Variants in MCTP1 observed in about 807,000 individuals in gnomAD.
MCTP1 encodes the protein multiple C2 and transmembrane domain containing 1, also known as multiple C2 and transmembrane domain-containing protein 1.
Under a neutral mutation model 120.6 loss-of-function variants are expected in MCTP1, and 69 were observed. That is an observed-to-expected ratio of 0.57 (90% confidence interval 0.47 to 0.70). The LOEUF is 0.70. Among genes scored for constraint, MCTP1 ranks in the 30% least tolerant of loss-of-function variants. The pLI is 0.00. For missense variants in MCTP1, 1,203 were observed against 1,248.8 expected (o/e 0.96, Z 0.55); for synonymous variants, 529 against 493.1 (o/e 1.07, Z -0.96).
At chr5:95,057,779 G>A (rs1364344169) in intron 1 of MCTP1, among the ~76,000 whole-genome samples, 2 of 152,092 alleles carry the variant, frequency 1.3e-5, no homozygotes, top group African/African-American at 4.8e-5. Context: ...TCTGAGCTCT[G>A]TTTCATGTAT....
intron 1 of MCTP1, among the ~76,000 whole-genome samples, chr5:95,026,727 C>T (rs1839337634): frequency 6.6e-6 from 1 of 152,104 alleles, no homozygotes; most frequent in African/African-American, 2.4e-5. Flanking sequence ...CTTAGTATTA[C>T]CATGCCAAGT....
chr5:94,922,147 C>T (rs953970127), intron 7 of MCTP1, among the ~76,000 whole-genome samples: 1 of 152,168 alleles, frequency 6.6e-6, no homozygotes, highest in Non-Finnish European at 1.5e-5. Context: ...AAGACATTAC[C>T]ATCACACCGT....
Position 94,870,876 on chromosome 5 carries a change from T to G in MCTP1, c.2237A>C (p.Asn746Thr), listed in dbSNP as rs940049085. The G allele has an allele frequency of 1.2e-6, 2 of 1,609,694 alleles. No homozygotes were observed. The highest frequency in any genetic ancestry group is 2.7e-5 in the African/African-American group (2 of 74,744). ...VIYLEIDVIF[N>T]AVKASLRTLI... ...AAAGCCAAAGTTAAGACTTACAGCA[T>G]TAAAAATCACATCTATTTCAAGATA... The change falls in exon 15 of 23, where the codon AAT (asparagine) becomes ACT (threonine). Residue 746 changes from asparagine to threonine, a missense_variant. By Grantham distance (65) the Asn-to-Thr change is moderately conservative (BLOSUM62 0). Transcript: ENST00000515393.
intron 19 of MCTP1, among the ~76,000 whole-genome samples, chr5:94,722,548 A>G (rs978144150): frequency 2.0e-5 from 3 of 152,222 alleles, no homozygotes. Flanking sequence ...AGAGCTGTTA[A>G]ATCTTATGCT....
chr5:94,760,886 T>G (rs1040222974), intron 19 of MCTP1, among the ~76,000 whole-genome samples: 1 of 152,034 alleles, frequency 6.6e-6, no homozygotes, highest in Admixed American at 6.5e-5. Context: ...GGTCCCACTA[T>G]GTCACCCAAG....
intron 1 of MCTP1, among the ~76,000 whole-genome samples, chr5:95,127,072 A>G (rs909448491): frequency 6.6e-6 from 1 of 152,182 alleles, no homozygotes; most frequent in Admixed American, 6.5e-5. Flanking sequence ...AAGAAAGAAC[A>G]TCATCCTTTT....
At position 94,740,332 on chromosome 5, in the gene MCTP1, G is replaced by A. The variant is rs1395829149; in HGVS notation, c.2611-25446C>T. Among the ~76,000 whole-genome samples the A allele has an allele frequency of 2.0e-5, 3 of 152,154 alleles. No homozygotes were observed. In the East Asian group the frequency reaches 5.8e-4, roughly 29 times the overall value. ...ATATAAATAACCAAACTCTCTCAATGCAAGCCTGACACTGATAATGAGTAT... is the reference window on the plus strand; with the variant it reads ...ATATAAATAACCAAACTCTCTCAATACAAGCCTGACACTGATAATGAGTAT... On this transcript the variant is annotated intron_variant, in intron 19 of 22. Transcript: ENST00000515393.
At chr5:94,950,541 C>CTA (rs926124145) in intron 3 of MCTP1, among the ~76,000 whole-genome samples, 1 of 151,880 alleles carries the variant, frequency 6.6e-6, no homozygotes, top group South Asian at 2.1e-4. Context: ...TATATGCAGA[C>CTA]TATATATATA....
At chr5:95,165,808 T>A (rs1262549045) in intron 1 of MCTP1, among the ~76,000 whole-genome samples, 2 of 152,238 alleles carry the variant, frequency 1.3e-5, no homozygotes, top group African/African-American at 4.8e-5. Flanking sequence ...TCTGCCCGGC[T>A]GTTTCCTATG....
At chr5:94,992,335 G>C (rs1384341702) in intron 2 of MCTP1, among the ~76,000 whole-genome samples, 1 of 152,130 alleles carries the variant, frequency 6.6e-6, no homozygotes, top group Non-Finnish European at 1.5e-5. Context: ...CAGATTATCA[G>C]AGGACTTACT....
intron 1 of MCTP1, among the ~76,000 whole-genome samples, chr5:95,283,468 T>G (rs755017439): frequency 6.6e-6 from 1 of 152,218 alleles, no homozygotes; most frequent in Non-Finnish European, 1.5e-5. Context: ...CAATGGTACC[T>G]CTCCACACCA....
Position 94,779,029 on chromosome 5 carries a change from C to CT in MCTP1, c.2610+80dup. On this transcript the variant is annotated intron_variant, in intron 19 of 22. Coordinates refer to ENST00000515393, the MANE Select transcript of MCTP1 (RefSeq NM_024717.7). ...TTTCTGGACTCAAACACTTCAACTC[C>CT]TTTTTTAACTGTCTGTGAAAACAGT... 5 of 1,318,376 alleles carry CT rather than the reference C, an allele frequency of 3.8e-6. No homozygotes were observed. In the South Asian group the frequency reaches 4.7e-5, roughly 12 times the overall value. 81.7% of individuals were successfully genotyped at this position (1,318,376 alleles called of 1,614,324 possible). A position where few individuals can be genotyped will look rare whatever the true frequency, so the allele number is the denominator to read the frequency against.
At chr5:95,283,081 A>T (rs1482292266) in intron 1 of MCTP1, among the ~76,000 whole-genome samples, 1 of 152,220 alleles carries the variant, frequency 6.6e-6, no homozygotes, top group Non-Finnish European at 1.5e-5. Flanking sequence ...CCTCTTCGAA[A>T]TTGAGGGAGT....
chr5:95,224,044 G>A (rs1411320225), intron 1 of MCTP1, among the ~76,000 whole-genome samples: 3 of 152,162 alleles, frequency 2.0e-5, no homozygotes, highest in South Asian at 2.1e-4. Context: ...CCAACTTTGG[G>A]AAATACAGTA....
intron 19 of MCTP1, among the ~76,000 whole-genome samples, chr5:94,761,399 A>G (rs2152849745): frequency 6.6e-6 from 1 of 152,372 alleles, no homozygotes; most frequent in South Asian, 2.1e-4. Context: ...TAAAAGAGTA[A>G]TTAGGTAGTC....
rs1265329030 is a variant in MCTP1, at chr5:95,283,917, G to C, written c.659C>G (p.Pro220Arg). The part of the protein sequence containing the change: ...LLEPPPPPAE[P>R]ARSPAESRAP... Reference sequence around the variant, plus strand: ...CCGAGACTCCGCGGGACTCCGCGCCGGCTCTGCGGGAGGAGGCGGCGGCTC... The same window carrying C: ...CCGAGACTCCGCGGGACTCCGCGCCCGCTCTGCGGGAGGAGGCGGCGGCTC... Residue 220 changes from proline to arginine, a missense_variant, in exon 1 of 23, where the codon CCG becomes CGG. Pro to Arg is a moderately radical substitution (Grantham distance 103, BLOSUM62 -2). Around this residue, in one of 2 missense-constraint regions of MCTP1, gnomAD observed 463 missense variants for 377.8 expected, o/e 1.23. Coordinates refer to ENST00000515393, the MANE Select transcript of MCTP1 (RefSeq NM_024717.7). The C allele has an allele frequency of 3.0e-5, 42 of 1,393,890 alleles. No individual in the cohort carries two copies. Among genetic ancestry groups the C allele is most frequent in the Non-Finnish European group, 3.5e-5 (38 of 1,082,086 alleles). 86.3% of individuals were successfully genotyped at this position (1,393,890 alleles called of 1,614,324 possible). A position where few individuals can be genotyped will look rare whatever the true frequency, so the allele number is the denominator to read the frequency against.
intron 17 of MCTP1, among the ~76,000 whole-genome samples, chr5:94,841,752 G>A (rs1214771386): frequency 6.6e-6 from 1 of 152,160 alleles, no homozygotes; most frequent in Admixed American, 6.5e-5. Flanking sequence ...GATTCCCAGA[G>A]GGGAATGTGG....
At chr5:95,071,813 T>C (rs1432502582) in intron 1 of MCTP1, among the ~76,000 whole-genome samples, 3 of 152,110 alleles carry the variant, frequency 2.0e-5, no homozygotes, top group African/African-American at 4.8e-5. Flanking sequence ...ATGAATGAGA[T>C]TGTCTTAAAT....
At chr5:95,238,120 A>G (rs1234947063) in intron 1 of MCTP1, among the ~76,000 whole-genome samples, 3 of 152,176 alleles carry the variant, frequency 2.0e-5, no homozygotes, top group Non-Finnish European at 4.4e-5. Flanking sequence ...TTTAGAAGAA[A>G]CAAACATCCA....
Sources: allele counts gnomAD v4.1 joint callset (sites outside exome capture counted in the v4.1 genomes callset), GRCh38; gene constraint gnomAD v4.1.1; regional missense constraint gnomAD v4.1.1; transcripts MANE v1.5; gene names NCBI Gene and HGNC (gene_info 2026-07-23, HGNC 2026-07-21).